Variants in TES observed in about 807,000 individuals in gnomAD.
The protein encoded by TES is testin LIM domain protein.
In TES, 41 loss-of-function variants were observed where a neutral mutation model predicts 48.2. The ratio of observed to expected loss-of-function variants is 0.85; its 90% CI spans 0.66 to 1.10. TES has a LOEUF of 1.10. TES is among the 50% of genes least tolerant of loss of function. TES has a pLI of 0.00. For missense variants in TES, 463 were observed against 515.1 expected, an observed-to-expected ratio of 0.90 and a Z score of 0.98; for synonymous variants, 162 against 174.9, an observed-to-expected ratio of 0.93 and a Z score of 0.58.
intron 2 of TES, among the ~76,000 whole-genome samples, chr7:116,235,318 G>A (rs982162538): frequency 7.2e-5 from 11 of 151,982 alleles, no homozygotes; most frequent in Admixed American, 1.3e-4. Context: ...TACATTTTCC[G>A]TAAACAAATA....
intron 4 of TES, chr7:116,251,514 C>A (rs921132601): frequency 2.2e-5 from 9 of 417,986 alleles, no homozygotes; most frequent in African/African-American, 1.4e-4. Flanking sequence ...AACCCCGTCT[C>A]TACTAAAAAT....
At chr7:116,226,093 G>A (rs1016135297) in intron 1 of TES, among the ~76,000 whole-genome samples, 1 of 152,174 alleles carries the variant, frequency 6.6e-6, no homozygotes, top group African/African-American at 2.4e-5. Context: ...CCCTTCCAGT[G>A]TCTTTTTGTG....
chr7:116,231,809 G>T (rs979163364), intron 1 of TES, among the ~76,000 whole-genome samples: 2 of 152,032 alleles, frequency 1.3e-5, no homozygotes, highest in Non-Finnish European at 2.9e-5. Context: ...TGCTAATGCT[G>T]GTCAGCTGTG....
At chr7:116,224,622 C>T (rs781319132) in intron 1 of TES, among the ~76,000 whole-genome samples, 32 of 152,190 alleles carry the variant, frequency 2.1e-4, no homozygotes, top group Admixed American at 3.9e-4. Flanking sequence ...TGTTGACTCA[C>T]ACCTCATTCT....
At chr7:116,217,539 T>G (rs556420353) in intron 1 of TES, among the ~76,000 whole-genome samples, 1 of 152,136 alleles carries the variant, frequency 6.6e-6, no homozygotes, top group Non-Finnish European at 1.5e-5. Flanking sequence ...TACAGGAAAT[T>G]ATTTTACTTT....
At chr7:116,227,715 A>G (rs561876105) in intron 1 of TES, among the ~76,000 whole-genome samples, 118 of 152,336 alleles carry the variant, frequency 7.7e-4, no homozygotes, top group African/African-American at 2.6e-3. Flanking sequence ...GTGTGTGTAT[A>G]TATGATAGGT....
intron 2 of TES, among the ~76,000 whole-genome samples, chr7:116,248,093 T>C (rs1246768031): frequency 6.6e-6 from 1 of 152,250 alleles, no homozygotes; most frequent in Non-Finnish European, 1.5e-5. Flanking sequence ...CTGTATTAAT[T>C]CACTTAAGAT....
chr7:116,251,328 A>G (rs1295711566), intron 4 of TES, among the ~76,000 whole-genome samples: 3 of 152,230 alleles, frequency 2.0e-5, no homozygotes, highest in African/African-American at 4.8e-5. Context: ...TTGTAATTTC[A>G]GTAGAAATTA....
intron 6 of TES, among the ~76,000 whole-genome samples, chr7:116,253,396 T>A (rs931411423): frequency 6.6e-6 from 1 of 152,216 alleles, no homozygotes; most frequent in South Asian, 2.1e-4. Flanking sequence ...CACATTCTTA[T>A]AATTACAACC....
intron 6 of TES, among the ~76,000 whole-genome samples, chr7:116,253,234 C>T (rs923401490): frequency 2.6e-5 from 4 of 152,152 alleles, no homozygotes; most frequent in African/African-American, 7.2e-5. Context: ...AATGAAATTA[C>T]ATATGGTTTA....
chr7:116,217,920 G>T (rs763866380), intron 1 of TES: 2 of 511,738 alleles, frequency 3.9e-6, no homozygotes, highest in South Asian at 2.8e-5. Context: ...GAGCGATAAG[G>T]ATATGCATGA....
intron 6 of TES, among the ~76,000 whole-genome samples, chr7:116,256,559 T>C (rs947380867): frequency 2.6e-5 from 4 of 152,266 alleles, no homozygotes; most frequent in Admixed American, 1.3e-4. Context: ...ATTTTCCTCA[T>C]GTGCATGTTT....
intron 6 of TES, among the ~76,000 whole-genome samples, chr7:116,256,434 T>C (rs1353737171): frequency 6.6e-6 from 1 of 152,206 alleles, no homozygotes; most frequent in Non-Finnish European, 1.5e-5. Flanking sequence ...AAACAAAAAC[T>C]TTAAGACAGC....
rs1468185667 is a variant in TES, at chr7:116,213,198, G to A, written c.27+2464G>A. On this transcript the variant is annotated intron_variant, in intron 1 of 6. Coordinates refer to ENST00000358204, the MANE Select transcript of TES (RefSeq NM_015641.4). ...AGAAGGAAATATTACAAGACTATCT[G>A]ATTTACCAGCAGAGTCCTCACCCTA... Among the ~76,000 whole-genome samples the A allele has an allele frequency of 7.2e-5, 11 of 152,320 alleles. No homozygotes were observed. In the East Asian group the frequency reaches 2.1e-3, roughly 29 times the overall value.
At chr7:116,243,879 A>G (rs1249703079) in intron 2 of TES, 2 of 152,196 alleles carry the variant, frequency 1.3e-5, no homozygotes, top group Admixed American at 6.5e-5. Flanking sequence ...GAAACTTACA[A>G]TTGTGGCAAA....
chr7:116,217,880 C>G (rs112697439), intron 1 of TES: 2 of 514,718 alleles, frequency 3.9e-6, no homozygotes, highest in African/African-American at 1.9e-5. Flanking sequence ...CCCTGTCTAC[C>G]TAACATTCTA....
chr7:116,251,528 A>G, intron 4 of TES: 1 of 442,802 alleles, frequency 2.3e-6, no homozygotes, highest in South Asian at 2.2e-5. Flanking sequence ...TAAAAATACA[A>G]AAAAATTAGC....
intron 1 of TES, among the ~76,000 whole-genome samples, chr7:116,213,024 A>G (rs905834726): frequency 6.6e-6 from 1 of 152,210 alleles, no homozygotes; most frequent in Non-Finnish European, 1.5e-5. Flanking sequence ...TATGACTCCA[A>G]TTTGTGAGTC....
chr7:116,258,196 T>A lies in TES; in HGVS notation c.*714T>A, dbSNP rs1800133407. On this transcript the variant is annotated 3_prime_UTR_variant, in exon 7 of 7. Transcript: ENST00000358204. ...CCACACTTTTTAGTTCTTTATTTTT[T>A]TTTTTTTATTTTGAGCAATTCTCCT... The A allele has an allele frequency of 6.6e-6, 1 of 152,072 alleles. No individual in the cohort carries two copies. The highest frequency in any genetic ancestry group is 2.4e-5 in the African/African-American group (1 of 41,384). The allele number at this position is 152,072 out of a possible 1,614,324, so 9.4% of individuals were successfully genotyped here.
Sources: gnomAD v4.1 joint callset for allele counts (sites outside exome capture counted in the v4.1 genomes callset) on GRCh38, gnomAD v4.1.1 for gene constraint, MANE v1.5 for transcripts, NCBI Gene and HGNC (gene_info 2026-07-23, HGNC 2026-07-21) for gene names.